PCDHGB1: variants seen among roughly 807,000 people sequenced by gnomAD.
The protein encoded by PCDHGB1 is protocadherin gamma subfamily B, 1, also known as protocadherin gamma-B1.
PCDHGB1 carries 34 observed loss-of-function variants against 56.6 expected under a neutral mutation model. The observed-to-expected ratio is 0.60, with a 90% CI of 0.46 to 0.80. The LOEUF is 0.80. Among genes scored for constraint, PCDHGB1 ranks in the 30% least tolerant of loss-of-function variants. PCDHGB1 has a pLI of 0.00. For synonymous variants in PCDHGB1, 561 were observed against 505.9 expected (o/e 1.11, Z -1.46); for missense variants, 1,278 against 1,204.6 (o/e 1.06, Z -0.90).
chr5:141,476,146 G>C lies in PCDHGB1; in HGVS notation c.2410-18661G>C. 1 of 1,611,402 alleles carries C rather than the reference G, an allele frequency of 6.2e-7. No individual in the cohort carries two copies. On this transcript the variant is annotated intron_variant, in intron 1 of 3. Transcript: ENST00000523390. This position sits in a 1 kb window ranked among gnomAD's most constrained non-coding sequence, Gnocchi z 7.6. ...TCCCAGAGGCCTGGAGGAGCGGACT[G>C]GTAAGCACCGGGAGGGTAGTGGGAG...
At chr5:141,504,364 G>A (rs764741297) in intron 2 of PCDHGB1, among the ~76,000 whole-genome samples, 2 of 152,116 alleles carry the variant, frequency 1.3e-5, no homozygotes, top group African/African-American at 2.4e-5. Flanking sequence ...GCTTCAGTAG[G>A]AAGCAGGTGG....
chr5:141,355,451 T>G, intron 1 of PCDHGB1: 1 of 1,614,076 alleles, frequency 6.2e-7, no homozygotes. Flanking sequence ...AGCGGCACCT[T>G]GGTCACCGCG....
Position 141,491,797 on chromosome 5 carries a change from G to C in PCDHGB1, c.2410-3010G>C, listed in dbSNP as rs537755017. The C allele has an allele frequency of 7.9e-5, 119 of 1,506,700 alleles. No homozygotes were observed. In the Admixed American group the frequency reaches 1.4e-3, roughly 18 times the overall value. 93.3% of individuals were successfully genotyped at this position (1,506,700 alleles called of 1,614,324 possible). On this transcript the variant is annotated intron_variant, in intron 1 of 3. Coordinates refer to ENST00000523390, the MANE Select transcript of PCDHGB1 (RefSeq NM_018922.3). The surrounding 1 kb of genome is among the most constrained non-coding windows in gnomAD (Gnocchi z 6.9). The stretch of plus-strand genomic sequence containing the variant: ...ATTGAACTTGCATCCACTCCTCTCC[G>C]GCCGGCTTGGTCGCTGGCTGCGCTC...
intron 1 of PCDHGB1, among the ~76,000 whole-genome samples, chr5:141,442,789 T>C (rs2098343347): frequency 6.6e-6 from 1 of 152,196 alleles, no homozygotes; most frequent in African/African-American, 2.4e-5. Flanking sequence ...ATTTTATAAT[T>C]TTACTTTGAT....
intron 1 of PCDHGB1, chr5:141,478,520 G>C (rs1474701976): frequency 1.2e-6 from 2 of 1,610,510 alleles, no homozygotes; most frequent in East Asian, 4.5e-5. Context: ...GCAGGTGTTG[G>C]GTGCAGAGAG....
At chr5:141,456,593 G>C (rs917316601) in intron 1 of PCDHGB1, among the ~76,000 whole-genome samples, 2 of 152,168 alleles carry the variant, frequency 1.3e-5, no homozygotes, top group African/African-American at 4.8e-5. Flanking sequence ...CAATAATTTT[G>C]ATTTGATTTT....
In PCDHGB1 at chr5:141,490,639, C is replaced by T. The variant is rs1345892739; in HGVS notation, c.2410-4168C>T. 25 of 1,614,200 alleles carry T rather than the reference C, an allele frequency of 1.5e-5. No homozygotes were observed. Among genetic ancestry groups the T allele is most frequent in the East Asian group, 2.2e-5 (1 of 44,878 alleles). ...TTACACTGCTTACATCCTAGAAAAC[C>T]GGCCTCCGGGCTCCCTTCTTTGCAC... On this transcript the variant is annotated intron_variant, in intron 1 of 3. Transcript: ENST00000523390. This position sits in a 1 kb window ranked among gnomAD's most constrained non-coding sequence, Gnocchi z 5.4.
At position 141,389,010 on chromosome 5, in the gene PCDHGB1, C is replaced by G. The variant is rs141101630; in HGVS notation, c.2409+36341C>G. ...CAAAGTCCGTGACAAGGATTCCAGA[C>G]ACAATGGAGAAGTGACTTGTAAATT... On this transcript the variant is annotated intron_variant, in intron 1 of 3. Transcript: ENST00000523390. 227 of 1,613,980 alleles carry G rather than the reference C, an allele frequency of 1.4e-4. 1 individual carries two copies. In the African/African-American group the frequency reaches 2.6e-3, roughly 18 times the overall value.
intron 1 of PCDHGB1, chr5:141,419,384 G>T (rs1383174444): frequency 1.2e-6 from 2 of 1,613,554 alleles, no homozygotes; most frequent in East Asian, 2.2e-5. Flanking sequence ...GTCCGTGAGC[G>T]CGCAGAGCGG....
chr5:141,408,197 C>A (rs2095057098), intron 1 of PCDHGB1: 5 of 1,546,080 alleles, frequency 3.2e-6, no homozygotes, highest in Non-Finnish European at 4.4e-6. Context: ...AGAACCCGAG[C>A]GAACGATGGG....
In PCDHGB1 at chr5:141,431,243, A is replaced by G; in HGVS notation, c.2410-63564A>G. 1 of 1,614,154 alleles carries G rather than the reference A, an allele frequency of 6.2e-7. No homozygotes were observed. Among genetic ancestry groups the G allele is most frequent in the Non-Finnish European group, 8.5e-7 (1 of 1,180,034 alleles). ...TCTACCCCACGCCTGGGATCCGGAT[A>G]TCGGGAAGAACTCTCTGCAGAGCTA... On this transcript the variant is annotated intron_variant, in intron 1 of 3. Coordinates refer to ENST00000523390, the MANE Select transcript of PCDHGB1 (RefSeq NM_018922.3). This position sits in a 1 kb window ranked among gnomAD's most constrained non-coding sequence, Gnocchi z 4.8.
intron 1 of PCDHGB1, chr5:141,371,148 G>A: frequency 6.2e-7 from 1 of 1,614,010 alleles, no homozygotes; most frequent in Non-Finnish European, 8.5e-7. Flanking sequence ...GGTCAATGTT[G>A]CAGAGAACCT....
At chr5:141,484,404 G>C (rs1333849091) in intron 1 of PCDHGB1, among the ~76,000 whole-genome samples, 3 of 152,174 alleles carry the variant, frequency 2.0e-5, no homozygotes, top group Non-Finnish European at 4.4e-5. Flanking sequence ...GGTTTCCGCT[G>C]TGTCTCCTGT....
At chr5:141,478,173 A>G (rs1397071220) in intron 1 of PCDHGB1, 1 of 1,613,986 alleles carries the variant, frequency 6.2e-7, no homozygotes, top group Non-Finnish European at 8.5e-7. Flanking sequence ...CCCCGGGAGC[A>G]GAAAAAAAAT....
chr5:141,422,188 C>T, intron 1 of PCDHGB1: 1 of 1,561,742 alleles, frequency 6.4e-7, no homozygotes. Context: ...GATGGAAATT[C>T]AAGGCCAAGA....
In PCDHGB1 at chr5:141,512,809, A is replaced by C. The variant is rs2099884438; in HGVS notation, c.*1636A>C. ...GTGTTTTGTGCTGTGTCCACGCGCT[A>C]AGGCGACCCCCTCCCCCGTACTGAC... On this transcript the variant is annotated 3_prime_UTR_variant, in exon 4 of 4. Coordinates refer to ENST00000523390, the MANE Select transcript of PCDHGB1 (RefSeq NM_018922.3). 6.6e-6 allele frequency: 1 copy of C among 152,130 alleles called. No homozygotes were observed. The highest frequency in any genetic ancestry group is 2.4e-5 in the African/African-American group (1 of 41,404). The allele number at this position is 152,130 out of a possible 1,614,324, so 9.4% of individuals were successfully genotyped here. A position where few individuals can be genotyped will look rare whatever the true frequency, so the allele number is the denominator to read the frequency against.
chr5:141,352,423 C>T lies in PCDHGB1; in HGVS notation c.2163C>T (p.Gly721=). 6.2e-7 allele frequency: 1 copy of T among 1,614,070 alleles called. No homozygotes were observed. Among genetic ancestry groups the T allele is most frequent in the Non-Finnish European group, 8.5e-7 (1 of 1,179,908 alleles). ...LRRSSSLDTE[G]CFQTGLCSKS... ...GTTCCTCCAGCCTCGACACTGAGGG[C>T]TGCTTTCAAACCGGTCTCTGCTCCA... The change falls in exon 1 of 4, where the codon GGC becomes GGT. Residue 721 remains glycine, a synonymous_variant. Transcript: ENST00000523390.
intron 1 of PCDHGB1, chr5:141,414,230 CCAT>C: frequency 6.2e-7 from 1 of 1,613,308 alleles, no homozygotes; most frequent in Non-Finnish European, 8.5e-7. Context: ...CCAGAGCTGA[CCAT>C]CACGTCTCTA....
At chr5:141,452,251 ACT>A (rs899414988) in intron 1 of PCDHGB1, among the ~76,000 whole-genome samples, 29 of 152,204 alleles carry the variant, frequency 1.9e-4, no homozygotes, top group African/African-American at 6.7e-4. Flanking sequence ...TTTTGCCATA[ACT>A]CTCTCATTTT....
Sources: allele counts gnomAD v4.1 joint callset (sites outside exome capture counted in the v4.1 genomes callset), GRCh38; gene constraint gnomAD v4.1.1; non-coding constraint Gnocchi (gnomAD v3.1); transcripts MANE v1.5; gene names NCBI Gene and HGNC (gene_info 2026-07-23, HGNC 2026-07-21).